Variants in DMRT3 observed in about 807,000 individuals in gnomAD.
The protein encoded by DMRT3 is doublesex- and mab-3-related transcription factor 3.
Under a neutral mutation model 34.9 loss-of-function variants are expected in DMRT3, and 29 were observed. The observed-to-expected ratio is 0.83, with a 90% CI of 0.62 to 1.13. DMRT3 has a LOEUF of 1.13. Ranked by LOEUF, DMRT3 falls within the 50% of genes most tolerant of loss-of-function variation. The pLI, the probability that DMRT3 is intolerant of heterozygous loss-of-function variation, is 0.00. For missense variants in DMRT3, 772 were observed against 629.1 expected, an observed-to-expected ratio of 1.23 and a Z score of -2.43; for synonymous variants, 350 against 286.0, an observed-to-expected ratio of 1.22 and a Z score of -2.26.
Position 990,948 on chromosome 9 carries a change from C to T in DMRT3, c.1362C>T (p.Asp454=), listed in dbSNP as rs990056949. ...CAAAGCAGTCCATTTACACCGAGGA[C>T]GACTATGACGAGAGGTCTGACTCCT... The part of the protein sequence containing the change: ...FVSKQSIYTE[D]DYDERSDSSD... Residue 454 remains aspartate, a synonymous_variant, in exon 2 of 2, where the codon GAC becomes GAT. Coordinates refer to ENST00000190165, the MANE Select transcript of DMRT3 (RefSeq NM_021240.4). The T allele has an allele frequency of 1.2e-5, 19 of 1,613,906 alleles. No individual in the cohort carries two copies. Among genetic ancestry groups the T allele is most frequent in the South Asian group, 3.3e-5 (3 of 91,068 alleles).
chr9:988,124 G>T (rs1435918063), intron 1 of DMRT3, among the ~76,000 whole-genome samples: 1 of 152,130 alleles, frequency 6.6e-6, no homozygotes, highest in African/African-American at 2.4e-5. Context: ...GAGAGAATAT[G>T]TCAAATTTCT....
intron 1 of DMRT3, among the ~76,000 whole-genome samples, chr9:980,467 GAATT>G (rs1419829122): frequency 8.5e-6 from 1 of 118,252 alleles, no homozygotes; most frequent in South Asian, 3.0e-4. Flanking sequence ...GATGGACCTG[GAATT>G]AATTATTAGA....
At position 976,928 on chromosome 9, in the gene DMRT3, T is replaced by A; in HGVS notation, c.-74T>A. The A allele has an allele frequency of 7.3e-7, 1 of 1,368,436 alleles. No individual in the cohort carries two copies. 84.8% of individuals were successfully genotyped at this position (1,368,436 alleles called of 1,614,324 possible). ...CCCGGAGGCCGCCCCTGAGCGGGCC[T>A]CGCAGCCCCGCCGTCCAGCGCTCCC... On this transcript the variant is annotated 5_prime_UTR_variant, in exon 1 of 2. Coordinates refer to ENST00000190165, the MANE Select transcript of DMRT3 (RefSeq NM_021240.4). This position sits in a 1 kb window ranked among gnomAD's most constrained non-coding sequence, Gnocchi z 4.5.
At position 977,117 on chromosome 9, in the gene DMRT3, C is replaced by T; in HGVS notation, c.116C>T (p.Ser39Phe). ...CGCTGCCGCAACCATGGCGTCCTGTCCTGGCTCAAGGGCCACAAGCGTTAC... is the reference window on the plus strand; with the variant it reads ...CGCTGCCGCAACCATGGCGTCCTGTTCTGGCTCAAGGGCCACAAGCGTTAC... ...CARCRNHGVL[S>F]WLKGHKRYCR... Residue 39 changes from serine (S) to phenylalanine (F), a missense_variant, in exon 1 of 2, where the codon TCC becomes TTC. By Grantham distance (155) the Ser-to-Phe change is radical. Transcript: ENST00000190165. The T allele has an allele frequency of 6.2e-7, 1 of 1,610,034 alleles. No homozygotes were observed. Among genetic ancestry groups the T allele is most frequent in the Admixed American group, 1.7e-5 (1 of 59,784 alleles).
Position 990,034 on chromosome 9 carries a change from T to C in DMRT3, c.455-7T>C. 3.1e-6 allele frequency: 5 copies of C among 1,613,614 alleles called. No homozygotes were observed. The South Asian group carries it at 4.4e-5, about 14-fold the overall frequency. On this transcript the variant is annotated splice_polypyrimidine_tract_variant and splice_region_variant and intron_variant, in intron 1 of 1. Transcript: ENST00000190165. ...GAAAAGATTAACTCAGCTGTTCTGTTTTCCAGATTTGACTGAAGAACGACT... is the reference window on the plus strand; with the variant it reads ...GAAAAGATTAACTCAGCTGTTCTGTCTTCCAGATTTGACTGAAGAACGACT...
chr9:981,459 T>G (rs1184882664), intron 1 of DMRT3, among the ~76,000 whole-genome samples: 7 of 152,166 alleles, frequency 4.6e-5, no homozygotes, highest in Non-Finnish European at 1.0e-4. Flanking sequence ...GACAGCTTGA[T>G]TTGAGGGTGA....
At position 990,151 on chromosome 9, in the gene DMRT3, T is replaced by C. The variant is rs771327480; in HGVS notation, c.565T>C (p.Cys189Arg). ...SSPDVAKSKG[C>R]FTPESPEIVS... The stretch of plus-strand genomic sequence containing the variant: ...CCCAGATGTGGCAAAGAGTAAGGGC[T>C]GCTTCACCCCTGAGAGCCCTGAGAT... The change falls in exon 2 of 2, where the codon TGC becomes CGC. Residue 189 changes from cysteine (C) to arginine (R), a missense_variant. By Grantham distance (180) the Cys-to-Arg change is radical. Transcript: ENST00000190165. 14 of 1,613,982 alleles carry C rather than the reference T, an allele frequency of 8.7e-6. No individual in the cohort carries two copies. The South Asian group carries it at 1.5e-4, about 18-fold the overall frequency.
At position 978,979 on chromosome 9, in the gene DMRT3, T is replaced by C. The variant is rs532285429; in HGVS notation, c.454+1524T>C. ...TTTGAACAAATAACAAGGAAGAGTT[T>C]GGTCTCAGCTCTAGAATTGGATTTG... On this transcript the variant is annotated intron_variant, in intron 1 of 1. Transcript: ENST00000190165. Among the ~76,000 whole-genome samples the C allele has an allele frequency of 3.3e-5, 5 of 152,316 alleles. No homozygotes were observed. In the South Asian group the frequency reaches 1.0e-3, roughly 32 times the overall value.
chr9:979,533 C>G (rs1474481475), intron 1 of DMRT3, among the ~76,000 whole-genome samples: 1 of 152,160 alleles, frequency 6.6e-6, no homozygotes, highest in Admixed American at 6.5e-5. Context: ...CCCCACCCCC[C>G]CATACCTTGT....
intron 1 of DMRT3, among the ~76,000 whole-genome samples, chr9:986,890 CAAAA>C (rs5895884): frequency 7.2e-6 from 1 of 138,760 alleles, no homozygotes; most frequent in Admixed American, 7.2e-5. Context: ...GACTCTGTCT[CAAAA>C]AAAAAAAAAA....
intron 1 of DMRT3, among the ~76,000 whole-genome samples, chr9:977,973 G>A (rs907489208): frequency 1.3e-5 from 2 of 152,174 alleles, no homozygotes; most frequent in Non-Finnish European, 2.9e-5. Context: ...CCAGGGCCCA[G>A]GAAAATTTGA....
chr9:977,693 G>C (rs1175906418), intron 1 of DMRT3, among the ~76,000 whole-genome samples: 1 of 152,238 alleles, frequency 6.6e-6, no homozygotes, highest in Non-Finnish European at 1.5e-5. Flanking sequence ...GCCAAACGAC[G>C]GGACTGTGCG....
chr9:984,582 G>A (rs972577162), intron 1 of DMRT3, among the ~76,000 whole-genome samples: 1 of 151,828 alleles, frequency 6.6e-6, no homozygotes, highest in Non-Finnish European at 1.5e-5. Context: ...TCAGCCTCCT[G>A]AGTAGCTGGG....
intron 1 of DMRT3, among the ~76,000 whole-genome samples, chr9:980,071 A>G (rs1483854985): frequency 6.9e-6 from 1 of 145,536 alleles, no homozygotes; most frequent in Non-Finnish European, 1.5e-5. Context: ...CCTCTTTAAT[A>G]CATAAGCTGT....
chr9:990,202 G>T lies in DMRT3; in HGVS notation c.616G>T (p.Ala206Ser), dbSNP rs752829841. 1 of 1,613,990 alleles carries T rather than the reference G, an allele frequency of 6.2e-7. No homozygotes were observed. The highest frequency in any genetic ancestry group is 8.5e-7 in the Non-Finnish European group (1 of 1,180,020). Residue 206 changes from alanine (A) to serine (S), a missense_variant, in exon 2 of 2, where the codon GCT becomes TCT. Coordinates refer to ENST00000190165, the MANE Select transcript of DMRT3 (RefSeq NM_021240.4). ...AGTGTCCGTGGAGGAAGGGGGATACGCTGTCCAGAAAAACGGAGGCAACCC... is the reference window on the plus strand; with the variant it reads ...AGTGTCCGTGGAGGAAGGGGGATACTCTGTCCAGAAAAACGGAGGCAACCC... ...EIVSVEEGGYAVQKNGGNPES... is the reference protein window; with the variant it reads ...EIVSVEEGGYSVQKNGGNPES...
At chr9:977,751 A>C (rs1820170606) in intron 1 of DMRT3, among the ~76,000 whole-genome samples, 1 of 152,202 alleles carries the variant, frequency 6.6e-6, no homozygotes, top group African/African-American at 2.4e-5. Flanking sequence ...GGAACGTGTC[A>C]GATTGAGCAG....
chr9:977,297 C>G lies in DMRT3; in HGVS notation c.296C>G (p.Pro99Arg). 1 of 1,369,582 alleles carries G rather than the reference C, an allele frequency of 7.3e-7. No homozygotes were observed. Among genetic ancestry groups the G allele is most frequent in the Admixed American group, 2.8e-5 (1 of 35,292 alleles). The allele number at this position is 1,369,582 out of a possible 1,614,324, so 84.8% of individuals were successfully genotyped here. The stretch of plus-strand genomic sequence containing the variant: ...CTGCGCGCTCTGCCAGGGCCCCCGC[C>G]GCCGGGGGACGCCGTCGCCGCCCCG... ...DSLRALPGPP[P>R]PGDAVAAPQP... Residue 99 changes from proline (P) to arginine (R), a missense_variant, in exon 1 of 2, where the codon CCG becomes CGG. Transcript: ENST00000190165.
intron 1 of DMRT3, among the ~76,000 whole-genome samples, chr9:983,263 C>A (rs764741871): frequency 1.3e-5 from 2 of 152,158 alleles, no homozygotes; most frequent in Non-Finnish European, 2.9e-5. Flanking sequence ...AACAACTAGG[C>A]AGACATAAAT....
At chr9:985,027 A>G (rs896824865) in intron 1 of DMRT3, among the ~76,000 whole-genome samples, 4 of 152,178 alleles carry the variant, frequency 2.6e-5, no homozygotes, top group African/African-American at 9.7e-5. Context: ...AGTCGGTAGC[A>G]TTGTTATCTG....
Sources: allele counts gnomAD v4.1 joint callset (sites outside exome capture counted in the v4.1 genomes callset), GRCh38; gene constraint gnomAD v4.1.1; non-coding constraint Gnocchi (gnomAD v3.1); transcripts MANE v1.5; gene names NCBI Gene and HGNC (gene_info 2026-07-23, HGNC 2026-07-21).